Variants in MBD5 observed in about 807,000 individuals in gnomAD.
MBD5 encodes methyl-CpG binding domain protein 5.
Under a neutral mutation model 117.3 loss-of-function variants are expected in MBD5, and 13 were observed. The ratio of observed to expected loss-of-function variants is 0.11; its 90% confidence interval spans 0.07 to 0.18. The LOEUF (loss-of-function observed/expected upper bound fraction) is 0.18, where lower values mean the gene tolerates loss of function less well. Ranked by LOEUF, MBD5 falls within the 10% of genes least tolerant of loss-of-function variation. The pLI, the probability that MBD5 is intolerant of heterozygous loss-of-function variation, is 1.00. For missense variants in MBD5, 1,879 were observed against 2,093.8 expected, an observed-to-expected ratio of 0.90 and a Z score of 2.00; for synonymous variants, 727 against 766.4, an observed-to-expected ratio of 0.95 and a Z score of 0.85.
At position 148,042,559 on chromosome 2, in the gene MBD5, T is replaced by G. The variant is rs569734851; in HGVS notation, c.-925+20875T>G. On this transcript the variant is annotated intron_variant, in intron 1 of 13. Transcript: ENST00000642680. ...TTTACCATATCGAGCCTCAGTACGT[T>G]ACTCTAAAACACAGCTTTATAATTC... 3.3e-5 allele frequency among the ~76,000 whole-genome samples: 5 copies of G among 152,210 alleles called. No individual in the cohort carries two copies. In the East Asian group the frequency reaches 9.7e-4, roughly 29 times the overall value.
At chr2:148,176,863 A>C (rs1285705534) in intron 1 of MBD5, among the ~76,000 whole-genome samples, 1 of 143,444 alleles carries the variant, frequency 7.0e-6, no homozygotes, top group Non-Finnish European at 1.5e-5. Flanking sequence ...TGCCACCCCC[A>C]CTAACTTAAG....
At chr2:148,318,178 G>T (rs1702198351) in intron 3 of MBD5, among the ~76,000 whole-genome samples, 2 of 151,912 alleles carry the variant, frequency 1.3e-5, no homozygotes, top group Non-Finnish European at 2.9e-5. Context: ...TCTCATTGTG[G>T]TTTTAATTTT....
Position 148,437,989 on chromosome 2 carries a change from C to T in MBD5, c.-556-20214C>T, listed in dbSNP as rs73019206. Among the ~76,000 whole-genome samples, 846 of 152,254 alleles carry T rather than the reference C, an allele frequency of 5.6e-3. 8 individuals carry two copies. Among genetic ancestry groups the T allele is most frequent in the African/African-American group, 0.02 (818 of 41,542 alleles). On this transcript the variant is annotated intron_variant, in intron 4 of 13. Coordinates refer to ENST00000642680, the MANE Select transcript of MBD5 (RefSeq NM_001378120.1). ...TACAAAAAGGACCTGTCTTTATTTACTGAGGAAGTTTCAACATTTTATGTA... is the reference window on the plus strand; with the variant it reads ...TACAAAAAGGACCTGTCTTTATTTATTGAGGAAGTTTCAACATTTTATGTA...
intron 4 of MBD5, among the ~76,000 whole-genome samples, chr2:148,354,100 A>AT (rs869279935): frequency 7.2e-5 from 11 of 151,944 alleles, no homozygotes; most frequent in Non-Finnish European, 1.5e-4. Flanking sequence ...TTTTAAAAAA[A>AT]TTTTTTTATT....
intron 7 of MBD5, among the ~76,000 whole-genome samples, chr2:148,465,027 G>A (rs1372734645): frequency 6.6e-6 from 1 of 151,324 alleles, no homozygotes; most frequent in East Asian, 1.9e-4. Context: ...ATCAAAGATT[G>A]TACACTGCAT....
intron 3 of MBD5, among the ~76,000 whole-genome samples, chr2:148,250,057 CA>C (rs1162355698): frequency 6.6e-6 from 1 of 152,128 alleles, no homozygotes; most frequent in African/African-American, 2.4e-5. Flanking sequence ...CTCGTAGACC[CA>C]CTCATCTTCC....
intron 3 of MBD5, among the ~76,000 whole-genome samples, chr2:148,303,214 G>A (rs1320420938): frequency 6.6e-6 from 1 of 152,096 alleles, no homozygotes. Context: ...AAACAATTTG[G>A]TGTTTCGTTA....
At chr2:148,389,304 A>ATATATATATATATAT (rs1195189482) in intron 4 of MBD5, among the ~76,000 whole-genome samples, 1 of 102,008 alleles carries the variant, frequency 9.8e-6, no homozygotes, top group Non-Finnish European at 2.0e-5. Flanking sequence ...ATATATATAT[A>ATATATATATATATAT]ACATTTTCTT....
chr2:148,172,331 C>T (rs1698282572), intron 1 of MBD5, among the ~76,000 whole-genome samples: 1 of 152,216 alleles, frequency 6.6e-6, no homozygotes, highest in South Asian at 2.1e-4. Context: ...CCGGTGCCTG[C>T]TCCCATTTCA....
At chr2:148,382,624 C>T (rs2105449364) in intron 4 of MBD5, among the ~76,000 whole-genome samples, 1 of 152,266 alleles carries the variant, frequency 6.6e-6, no homozygotes, top group South Asian at 2.1e-4. Context: ...ATCTACAGAA[C>T]TCTCCACCCC....
Position 148,443,656 on chromosome 2 carries a change from T to C in MBD5, c.-556-14547T>C, listed in dbSNP as rs191240821. On this transcript the variant is annotated intron_variant, in intron 4 of 13. Coordinates refer to ENST00000642680, the MANE Select transcript of MBD5 (RefSeq NM_001378120.1). ...CAGGTGCACAAAGACAAACTTCACA[T>C]GTTCTCACTTATTTGTGGGAGCTAA... Among the ~76,000 whole-genome samples the C allele has an allele frequency of 7.4e-3, 1,116 of 151,458 alleles. 8 individuals carry two copies. The highest frequency in any genetic ancestry group is 0.012 in the Non-Finnish European group (817 of 68,016).
At chr2:148,075,647 T>A (rs894481049) in intron 1 of MBD5, among the ~76,000 whole-genome samples, 8 of 150,810 alleles carry the variant, frequency 5.3e-5, no homozygotes, top group African/African-American at 2.0e-4. Flanking sequence ...TTTTTTTTTT[T>A]TTAACAGTTG....
intron 1 of MBD5, among the ~76,000 whole-genome samples, chr2:148,142,704 C>A (rs772448704): frequency 6.6e-6 from 1 of 152,010 alleles, no homozygotes; most frequent in African/African-American, 2.4e-5. Context: ...AAACTAAGAG[C>A]GAAACCAAGT....
intron 3 of MBD5, among the ~76,000 whole-genome samples, chr2:148,308,554 G>T (rs1454012392): frequency 8.4e-6 from 1 of 118,424 alleles, no homozygotes; most frequent in Non-Finnish European, 1.6e-5. Flanking sequence ...CTGGATATTA[G>T]CCCTTTGTCA....
intron 3 of MBD5, among the ~76,000 whole-genome samples, chr2:148,330,117 A>ACACACACACACACACT (rs1247250428): frequency 2.2e-5 from 3 of 133,526 alleles, no homozygotes; most frequent in Non-Finnish European, 4.7e-5. Flanking sequence ...ACACACACAC[A>ACACACACACACACACT]CTCTACCTTA....
chr2:148,333,677 G>A (rs1702717401), intron 3 of MBD5, among the ~76,000 whole-genome samples: 1 of 136,168 alleles, frequency 7.3e-6, no homozygotes, highest in African/African-American at 2.8e-5. Flanking sequence ...CCCTGTCTCT[G>A]CTGAAAAAAA....
chr2:148,080,050 TAAAAC>T (rs1242088441), intron 1 of MBD5, among the ~76,000 whole-genome samples: 1 of 152,172 alleles, frequency 6.6e-6, no homozygotes, highest in African/African-American at 2.4e-5. Context: ...CTGGAATTAT[TAAAAC>T]AAAACAAAAT....
chr2:148,344,342 A>G (rs1485048004), intron 4 of MBD5, among the ~76,000 whole-genome samples: 3 of 151,886 alleles, frequency 2.0e-5, no homozygotes, highest in Non-Finnish European at 4.4e-5. Flanking sequence ...TTTTTTTCCA[A>G]TTCTGTGAAA....
intron 3 of MBD5, chr2:148,243,740 A>G (rs1418886702): frequency 2.0e-5 from 3 of 152,062 alleles, no homozygotes; most frequent in African/African-American, 4.8e-5. Context: ...GTTATGACCA[A>G]CGCTCCAGGC....
Sources: allele counts gnomAD v4.1 joint callset (sites outside exome capture counted in the v4.1 genomes callset), GRCh38; gene constraint gnomAD v4.1.1; transcripts MANE v1.5; gene names NCBI Gene and HGNC (gene_info 2026-07-23, HGNC 2026-07-21).